The following NEK11 variants were observed in gnomAD, a reference collection of about 807,000 sequenced individuals.
NEK11 encodes NIMA related kinase 11.
A neutral mutation model predicts 80.7 loss-of-function variants in NEK11; 72 were observed. That is an observed-to-expected ratio of 0.89 (90% CI 0.74 to 1.08). The LOEUF is 1.08. Ranked by LOEUF, NEK11 falls within the 50% of genes least tolerant of loss-of-function variation. The probability of loss-of-function intolerance (pLI) is 0.00; values close to 1 mark genes in which losing one functional copy is unlikely to be tolerated. For missense variants in NEK11, 764 were observed against 763.6 expected (o/e 1.00, Z -0.01); for synonymous variants, 251 against 260.7 (o/e 0.96, Z 0.36).
intron 3 of NEK11, among the ~76,000 whole-genome samples, chr3:131,047,557 A>C (rs928209858): frequency 6.6e-6 from 1 of 152,078 alleles, no homozygotes; most frequent in Non-Finnish European, 1.5e-5. Context: ...TCTGGATCTA[A>C]CCACCCAGCA....
rs761665429 is a variant in NEK11, at chr3:131,243,461, G to C, written c.1586G>C (p.Arg529Thr). 2 of 1,612,798 alleles carry C rather than the reference G, an allele frequency of 1.2e-6. No individual in the cohort carries two copies. The highest frequency in any genetic ancestry group is 1.7e-6 in the Non-Finnish European group (2 of 1,179,350). Residue 529 changes from arginine to threonine, a missense_variant, in exon 16 of 18, where the codon AGG becomes ACG. Physicochemically the swap from Arg to Thr is moderately conservative, Grantham distance 71. Transcript: ENST00000383366. Reference sequence around the variant, plus strand: ...GACAGTGATATCGAAGCGTTGGCCAGGTGTTTGGAAAATGTCCTGGGTTGC... The same window carrying C: ...GACAGTGATATCGAAGCGTTGGCCACGTGTTTGGAAAATGTCCTGGGTTGC... ...QQDSDIEALA[R>T]CLENVLGCTS...
intron 13 of NEK11, among the ~76,000 whole-genome samples, chr3:131,169,358 G>A (rs2092518726): frequency 6.6e-6 from 1 of 152,126 alleles, no homozygotes; most frequent in African/African-American, 2.4e-5. Context: ...GGAGAGAATG[G>A]GCTCTATGTC....
chr3:131,301,211 T>C (rs2096657514), intron 17 of NEK11, among the ~76,000 whole-genome samples: 2 of 152,180 alleles, frequency 1.3e-5, no homozygotes, highest in African/African-American at 4.8e-5. Flanking sequence ...ATGCTACTGA[T>C]TTTTGTACAT....
chr3:131,223,322 C>A (rs530672992), intron 14 of NEK11, among the ~76,000 whole-genome samples: 3 of 152,220 alleles, frequency 2.0e-5, no homozygotes, highest in African/African-American at 7.2e-5. Flanking sequence ...TTAAGAAATA[C>A]TGGAGACAGA....
intron 3 of NEK11, among the ~76,000 whole-genome samples, chr3:131,064,227 T>C (rs1017031341): frequency 1.3e-5 from 2 of 152,190 alleles, no homozygotes; most frequent in Non-Finnish European, 2.9e-5. Context: ...GTGTTAGTTT[T>C]CCAGGGCTGC....
chr3:131,274,908 C>G (rs1190652080), intron 17 of NEK11, among the ~76,000 whole-genome samples: 7 of 152,090 alleles, frequency 4.6e-5, no homozygotes, highest in Non-Finnish European at 1.0e-4. Flanking sequence ...CCGCCTCGGC[C>G]TCCCAAAGTG....
chr3:131,057,359 T>C (rs572352091), intron 3 of NEK11, among the ~76,000 whole-genome samples: 37 of 152,322 alleles, frequency 2.4e-4, no homozygotes, highest in African/African-American at 8.9e-4. Flanking sequence ...CGTGTGCATG[T>C]GTCTTTATAG....
At chr3:131,234,943 A>G (rs1304842076) in intron 15 of NEK11, among the ~76,000 whole-genome samples, 1 of 152,006 alleles carries the variant, frequency 6.6e-6, no homozygotes, top group Admixed American at 6.6e-5. Flanking sequence ...TATAGGGTTT[A>G]GGATCACACC....
At chr3:131,308,205 C>T (rs1219439959) in intron 17 of NEK11, among the ~76,000 whole-genome samples, 4 of 152,162 alleles carry the variant, frequency 2.6e-5, no homozygotes, top group Non-Finnish European at 5.9e-5. Flanking sequence ...CTAAGAAAGG[C>T]AAGATGCAGA....
At chr3:131,312,304 G>A (rs113273584) in intron 17 of NEK11, among the ~76,000 whole-genome samples, 87 of 152,258 alleles carry the variant, frequency 5.7e-4, no homozygotes, top group African/African-American at 1.9e-3. Flanking sequence ...GCTTTCCAGG[G>A]TTGAAATAAT....
intron 17 of NEK11, among the ~76,000 whole-genome samples, chr3:131,312,159 G>C (rs149505078): frequency 6.6e-6 from 1 of 152,312 alleles, no homozygotes; most frequent in East Asian, 1.9e-4. Flanking sequence ...GAGATGTTAG[G>C]AGCACGGTTC....
At chr3:131,047,931 C>A (rs916783277) in intron 3 of NEK11, among the ~76,000 whole-genome samples, 1 of 152,072 alleles carries the variant, frequency 6.6e-6, no homozygotes, top group Non-Finnish European at 1.5e-5. Context: ...AGCTCAGACT[C>A]TTCTTGGGTG....
chr3:131,098,748 G>C (rs1319218688), intron 4 of NEK11, among the ~76,000 whole-genome samples: 1 of 151,438 alleles, frequency 6.6e-6, no homozygotes, highest in Non-Finnish European at 1.5e-5. Flanking sequence ...GCTAATTTTT[G>C]TATTTTTCAT....
intron 14 of NEK11, among the ~76,000 whole-genome samples, chr3:131,186,746 T>C (rs1199574932): frequency 2.6e-5 from 4 of 152,214 alleles, no homozygotes; most frequent in Non-Finnish European, 4.4e-5. Flanking sequence ...ATTTGAGATT[T>C]AGGCCAAACT....
At chr3:131,247,060 C>T (rs2095614827) in intron 16 of NEK11, among the ~76,000 whole-genome samples, 2 of 152,034 alleles carry the variant, frequency 1.3e-5, no homozygotes, top group Non-Finnish European at 2.9e-5. Flanking sequence ...TTCTTCCACT[C>T]TGTGGGTTGT....
At chr3:131,303,968 C>T (rs1255113001) in intron 17 of NEK11, among the ~76,000 whole-genome samples, 1 of 152,174 alleles carries the variant, frequency 6.6e-6, no homozygotes, top group Non-Finnish European at 1.5e-5. Context: ...GCTTTCTCTC[C>T]CTCTCTTTAA....
chr3:131,087,686 T>C lies in NEK11; in HGVS notation c.336+7098T>C, dbSNP rs182378692. Among the ~76,000 whole-genome samples the C allele has an allele frequency of 3.7e-4, 57 of 152,310 alleles. 1 individual carries two copies. The highest frequency in any genetic ancestry group is 1.3e-3 in the African/African-American group (55 of 41,560). On this transcript the variant is annotated intron_variant, in intron 4 of 17. Transcript: ENST00000383366. ...TATTTAAACAAACCAAGTAAGCGGG[T>C]TGAGTTTTGCAATCTTGAATCTCTA...
chr3:131,343,858 AG>A (rs1453535491), intron 17 of NEK11, among the ~76,000 whole-genome samples: 1 of 152,200 alleles, frequency 6.6e-6, no homozygotes, highest in African/African-American at 2.4e-5. Context: ...CTTCCCTCCT[AG>A]GCCTCTGGGC....
chr3:131,227,609 C>T (rs1187785680), intron 14 of NEK11, among the ~76,000 whole-genome samples: 1 of 152,062 alleles, frequency 6.6e-6, no homozygotes, highest in Non-Finnish European at 1.5e-5. Context: ...TAATGTGTTA[C>T]AATTTGGAAG....
Sources: allele counts gnomAD v4.1 joint callset (sites outside exome capture counted in the v4.1 genomes callset), GRCh38; gene constraint gnomAD v4.1.1; transcripts MANE v1.5; gene names NCBI Gene and HGNC (gene_info 2026-07-23, HGNC 2026-07-21).